WWP1: variants seen among roughly 807,000 people sequenced by gnomAD.
WWP1 encodes WW domain containing E3 ubiquitin protein ligase 1.
In WWP1, 49 loss-of-function variants were observed where a neutral mutation model predicts 130.6. The ratio of observed to expected loss-of-function variants is 0.38; its 90% CI spans 0.30 to 0.48. The LOEUF (loss-of-function observed/expected upper bound fraction) is 0.48. Among genes scored for constraint, WWP1 ranks in the 20% least tolerant of loss-of-function variants. The pLI, the probability that WWP1 is intolerant of heterozygous loss-of-function variation, is 0.99. For synonymous variants in WWP1, 332 were observed against 367.8 expected, an observed-to-expected ratio of 0.90 and a Z score of 1.11; for missense variants, 809 against 1,100.6, an observed-to-expected ratio of 0.74 and a Z score of 3.75.
chr8:86,451,214 TAAAAAAAAAAAAAAAAAAAAAAAA>T (rs61141803), intron 20 of WWP1, among the ~76,000 whole-genome samples: 6 of 43,680 alleles, frequency 1.4e-4, no homozygotes, highest in Middle Eastern at 0.019. Flanking sequence ...CCTATGTTAT[TAAAAAAAAAAAAAAAAAAAAAAAA>T]AAAAAAAAAA....
intron 1 of WWP1, among the ~76,000 whole-genome samples, chr8:86,365,758 T>G (rs111419210): frequency 1.5e-4 from 23 of 152,102 alleles, no homozygotes; most frequent in African/African-American, 5.5e-4. Context: ...AGGCCAGAGG[T>G]TAAAGACTAG....
In WWP1 at chr8:86,438,646, A is replaced by G; in HGVS notation, c.1811A>G (p.Glu604Gly). The G allele has an allele frequency of 6.2e-7, 1 of 1,609,166 alleles. No homozygotes were observed. Among genetic ancestry groups the G allele is most frequent in the South Asian group, 1.1e-5 (1 of 89,698 alleles). The change falls in exon 17 of 25, where the codon GAA becomes GGA. Residue 604 changes from glutamate (E) to glycine (G), a missense_variant. Coordinates refer to ENST00000517970, the MANE Select transcript of WWP1 (RefSeq NM_007013.4). ...RRLYVIFRGE[E>G]GLDYGGLARE... is the part of the protein sequence containing the mutation. Reference sequence around the variant, plus strand: ...TTATATGTAATATTTAGAGGAGAAGAAGGACTTGATTATGGTGGCCTAGCG... The same window carrying G: ...TTATATGTAATATTTAGAGGAGAAGGAGGACTTGATTATGGTGGCCTAGCG...
At chr8:86,399,671 A>T (rs1013606493) in intron 7 of WWP1, among the ~76,000 whole-genome samples, 1 of 152,190 alleles carries the variant, frequency 6.6e-6, no homozygotes, top group Non-Finnish European at 1.5e-5. Context: ...AAAAATTTAG[A>T]TGGATAGAGG....
intron 1 of WWP1, 154 bp downstream of exon 1, chr8:86,343,084 T>A (rs1295710751): frequency 3.6e-6 from 1 of 274,332 alleles, no homozygotes; most frequent in Non-Finnish European, 6.8e-6. Flanking sequence ...CGCCCTACCT[T>A]GGCTACCTTC....
intron 11 of WWP1, among the ~76,000 whole-genome samples, chr8:86,430,338 T>C (rs1809867793): frequency 6.6e-6 from 1 of 152,166 alleles, no homozygotes; most frequent in Non-Finnish European, 1.5e-5. Flanking sequence ...AGTGCAGTAG[T>C]AGTGTGATCA....
chr8:86,384,191 G>A (rs1434151371), intron 5 of WWP1, among the ~76,000 whole-genome samples: 1 of 152,010 alleles, frequency 6.6e-6, no homozygotes, highest in African/African-American at 2.4e-5. Context: ...TTCAAAAATC[G>A]AGTCTCTAAA....
At chr8:86,400,332 C>T (rs1053602597) in intron 7 of WWP1, among the ~76,000 whole-genome samples, 4 of 150,970 alleles carry the variant, frequency 2.6e-5, no homozygotes, top group African/African-American at 9.8e-5. Context: ...GACTTCGTCT[C>T]GGGGGGAAAA....
chr8:86,464,706 A>G (rs1248151200), intron 24 of WWP1, among the ~76,000 whole-genome samples: 1 of 151,942 alleles, frequency 6.6e-6, no homozygotes, highest in Non-Finnish European at 1.5e-5. Flanking sequence ...TGTAGGGACA[A>G]AGTTTTGCTG....
rs1410058432 is a variant in WWP1, at chr8:86,405,542, G to GTTTT, written c.724+3343_724+3346dup. On this transcript the variant is annotated intron_variant, in intron 8 of 24. Coordinates refer to ENST00000517970, the MANE Select transcript of WWP1 (RefSeq NM_007013.4). ...TATATGCCATTACCTTTGTTTGTTT[G>GTTTT]TTTTTTTGAGACAGGGTCTTGCCCT... is the stretch of plus-strand genomic sequence containing the variant. Among the ~76,000 whole-genome samples, 12 of 152,080 alleles carry GTTTT rather than the reference G, an allele frequency of 7.9e-5. 1 individual carries two copies. The East Asian group carries it at 2.3e-3, about 29-fold the overall frequency.
Position 86,378,938 on chromosome 8 carries a change from G to T in WWP1, c.71-1788G>T, listed in dbSNP as rs111860480. On this transcript the variant is annotated intron_variant, in intron 3 of 24. Transcript: ENST00000517970. The stretch of plus-strand genomic sequence containing the variant: ...TCACCAATCCTAAGAATCAGGTACT[G>T]CTGTTCTTCTGATTTTTCAAGTAAG... 5.8e-3 allele frequency among the ~76,000 whole-genome samples: 877 copies of T among 152,266 alleles called. 5 individuals are homozygous for T. Among genetic ancestry groups the T allele is most frequent in the African/African-American group, 0.02 (817 of 41,558 alleles).
chr8:86,364,882 AAG>A (rs1333861800), intron 1 of WWP1, among the ~76,000 whole-genome samples: 9 of 151,962 alleles, frequency 5.9e-5, no homozygotes, highest in East Asian at 1.9e-4. Flanking sequence ...GAAAGAAAGA[AAG>A]AGAGAAAATA....
chr8:86,446,058 T>C (rs2130735982), intron 18 of WWP1, among the ~76,000 whole-genome samples: 1 of 140,548 alleles, frequency 7.1e-6, no homozygotes, highest in African/African-American at 2.6e-5. Flanking sequence ...CTCAGCTCAC[T>C]GCAACCTCTG....
chr8:86,411,723 G>C lies in WWP1; in HGVS notation c.910G>C (p.Glu304Gln), dbSNP rs1388325598. 6.2e-7 allele frequency: 1 copy of C among 1,613,994 alleles called. No individual in the cohort carries two copies. Among genetic ancestry groups the C allele is most frequent in the African/African-American group, 1.3e-5 (1 of 74,910 alleles). The change falls in exon 9 of 25, where the codon GAA (glutamate) becomes CAA (glutamine). Residue 304 changes from glutamate (E) to glutamine (Q), a missense_variant. Glu to Gln is a conservative substitution (Grantham distance 29). Transcript: ENST00000517970. ...TATTCCTTCTACCAGTGCAGAATTG[G>C]AATCTGAAGCTAGAAGTATATTAGA... ...ECIPSTSAEL[E>Q]SEARSILEPD...
intron 18 of WWP1, among the ~76,000 whole-genome samples, chr8:86,444,531 C>T (rs901290844): frequency 6.6e-6 from 1 of 152,110 alleles, no homozygotes; most frequent in Non-Finnish European, 1.5e-5. Flanking sequence ...AGATAAGTAA[C>T]CAACAAAAGA....
At chr8:86,411,409 C>T in intron 8 of WWP1, 129 bp from the exon 9 acceptor site, 1 of 686,514 alleles carries the variant, frequency 1.5e-6, no homozygotes, top group Non-Finnish European at 2.3e-6. Flanking sequence ...ATTACTTTGT[C>T]TGCTGTTTGG....
At chr8:86,359,115 A>ACAATTGG (rs1358960165) in intron 1 of WWP1, among the ~76,000 whole-genome samples, 2 of 152,226 alleles carry the variant, frequency 1.3e-5, no homozygotes, top group Non-Finnish European at 2.9e-5. Context: ...CAGATTGGGG[A>ACAATTGG]CAATTGGCAA....
intron 24 of WWP1, among the ~76,000 whole-genome samples, chr8:86,462,360 T>C (rs1811815066): frequency 6.6e-6 from 1 of 152,174 alleles, no homozygotes. Flanking sequence ...ACAGAAATGC[T>C]GAAGTAAACA....
chr8:86,443,371 G>A (rs1015167114), intron 18 of WWP1, among the ~76,000 whole-genome samples: 7 of 152,202 alleles, frequency 4.6e-5, no homozygotes, highest in African/African-American at 1.7e-4. Flanking sequence ...ACCACTCCCA[G>A]CCTACTTTTC....
intron 17 of WWP1, among the ~76,000 whole-genome samples, chr8:86,441,538 G>C (rs1810590523): frequency 6.6e-6 from 1 of 152,166 alleles, no homozygotes; most frequent in African/African-American, 2.4e-5. Context: ...ATTAGATTAT[G>C]CTTAAGAATG....
Sources: allele counts gnomAD v4.1 joint callset (sites outside exome capture counted in the v4.1 genomes callset), GRCh38; gene constraint gnomAD v4.1.1; transcripts MANE v1.5; gene names NCBI Gene and HGNC (gene_info 2026-07-23, HGNC 2026-07-21).